ALPK1: variants seen among roughly 807,000 people sequenced by gnomAD.
The protein encoded by ALPK1 is alpha-protein kinase 1.
Under a neutral mutation model 120.6 loss-of-function variants are expected in ALPK1, and 110 were observed. That is an observed-to-expected ratio of 0.91 (90% CI 0.78 to 1.07). The LOEUF (loss-of-function observed/expected upper bound fraction) is 1.07, where lower values mean the gene tolerates loss of function less well. Among genes scored for constraint, ALPK1 ranks in the 50% least tolerant of loss-of-function variants. The probability of loss-of-function intolerance (pLI) is 0.00; values close to 1 mark genes in which losing one functional copy is unlikely to be tolerated. For missense variants in ALPK1, 1,498 were observed against 1,483.9 expected, an observed-to-expected ratio of 1.01 and a Z score of -0.16; for synonymous variants, 582 against 560.3, an observed-to-expected ratio of 1.04 and a Z score of -0.55.
At position 112,425,611 on chromosome 4, in the gene ALPK1, A is replaced by T. The variant is rs1734202288; in HGVS notation, c.536-54A>T. The T allele has an allele frequency of 3.2e-5, 47 of 1,468,388 alleles. 1 individual carries two copies. In the South Asian group the frequency reaches 5.2e-4, roughly 16 times the overall value. 91.0% of individuals were successfully genotyped at this position (1,468,388 alleles called of 1,614,324 possible). A position where few individuals can be genotyped will look rare whatever the true frequency, so the allele number is the denominator to read the frequency against. On this transcript the variant is annotated intron_variant, in intron 6 of 15. Coordinates refer to ENST00000650871, the MANE Select transcript of ALPK1 (RefSeq NM_025144.4). ...GAAGACTTCTGTGAAAATAGTTTTA[A>T]TTTGCAAGGCTATATCTCTGATAAT...
chr4:112,432,055 T>G lies in ALPK1; in HGVS notation c.2508T>G (p.Gly836=), dbSNP rs1261506342. Residue 836 remains glycine (G), a synonymous_variant, in exon 11 of 16, where the codon GGT becomes GGG. Transcript: ENST00000650871. ...AAAATCCTGACTCCAGAAAAAGTGG[T>G]GGCCCAGTCGCAGAGCAGGGCATCG... The part of the protein sequence containing the change: ...PVQNPDSRKS[G]GPVAEQGIDP... 1.9e-6 allele frequency: 3 copies of G among 1,613,976 alleles called. No individual in the cohort carries two copies. In the South Asian group the frequency reaches 3.3e-5, roughly 18 times the overall value.
chr4:112,398,393 AG>A (rs1732761498), intron 4 of ALPK1, among the ~76,000 whole-genome samples: 1 of 152,088 alleles, frequency 6.6e-6, no homozygotes, highest in South Asian at 2.1e-4. Context: ...CCTCTGTTCA[AG>A]TGATCCTCCC....
intron 4 of ALPK1, among the ~76,000 whole-genome samples, chr4:112,407,860 C>A (rs28504675): frequency 0.16 from 24,759 of 152,092 alleles, 2,149 homozygotes; most frequent in Middle Eastern, 0.18. Context: ...TGTAATCCAG[C>A]ACTTTGGGAG....
chr4:112,302,641 C>T (rs1727839101), intron 1 of ALPK1, among the ~76,000 whole-genome samples: 1 of 152,190 alleles, frequency 6.6e-6, no homozygotes, highest in Admixed American at 6.5e-5. Flanking sequence ...TGGAGTCTGT[C>T]CCCTTCCTTT....
In ALPK1 at chr4:112,411,816, T is replaced by C. The variant is rs1358653296; in HGVS notation, c.277-11T>C. ...CCGCCTGGCTCACGATGTTCCACGC[T>C]GTTCCTCCAGGCGTCCCTGAGGGCC... On this transcript the variant is annotated splice_polypyrimidine_tract_variant and intron_variant, in intron 4 of 15. Coordinates refer to ENST00000650871, the MANE Select transcript of ALPK1 (RefSeq NM_025144.4). 1.2e-6 allele frequency: 2 copies of C among 1,605,066 alleles called. No homozygotes were observed. Among genetic ancestry groups the C allele is most frequent in the Non-Finnish European group, 1.7e-6 (2 of 1,175,990 alleles).
chr4:112,364,578 A>T (rs1297773163), intron 2 of ALPK1, among the ~76,000 whole-genome samples: 1 of 152,086 alleles, frequency 6.6e-6, no homozygotes, highest in Non-Finnish European at 1.5e-5. Context: ...TACCCCAAAA[A>T]ATAAAAGTCC....
intron 1 of ALPK1, among the ~76,000 whole-genome samples, chr4:112,308,324 A>G (rs1329448610): frequency 1.3e-5 from 2 of 152,018 alleles, no homozygotes; most frequent in Admixed American, 6.6e-5. Flanking sequence ...GTTGTCCTGG[A>G]TAATATCCTG....
At chr4:112,421,200 CTCTTT>C (rs1733977805) in intron 5 of ALPK1, among the ~76,000 whole-genome samples, 1 of 152,126 alleles carries the variant, frequency 6.6e-6, no homozygotes, top group African/African-American at 2.4e-5. Flanking sequence ...TCCCAGATGT[CTCTTT>C]TCATTTTGAA....
Position 112,432,188 on chromosome 4 carries a change from C to T in ALPK1, c.2641C>T (p.Pro881Ser), listed in dbSNP as rs1204795511. ...SHRLCILRQP[P>S]GQRAETPNSS... ...TAGACTGTGCATTCTGAGACAGCCG[C>T]CTGGTCAGAGGGCGGAGACCCCCAA... Residue 881 changes from proline to serine, a missense_variant, in exon 11 of 16, where the codon CCT becomes TCT. Physicochemically the swap from Pro to Ser is moderately conservative, Grantham distance 74. Transcript: ENST00000650871. 1.1e-5 allele frequency: 17 copies of T among 1,614,204 alleles called. No homozygotes were observed. The highest frequency in any genetic ancestry group is 1.4e-5 in the Non-Finnish European group (16 of 1,180,026).
At chr4:112,340,093 G>T (rs1376968750) in intron 2 of ALPK1, among the ~76,000 whole-genome samples, 2 of 152,204 alleles carry the variant, frequency 1.3e-5, no homozygotes, top group Non-Finnish European at 2.9e-5. Context: ...ATGAGTCTGG[G>T]TATGGACAGA....
chr4:112,306,320 A>T (rs1359245600), intron 1 of ALPK1, among the ~76,000 whole-genome samples: 3 of 152,054 alleles, frequency 2.0e-5, no homozygotes, highest in African/African-American at 7.3e-5. Context: ...TTTCAGAAGG[A>T]ATGGTACCAG....
At chr4:112,357,905 G>A (rs183817893) in intron 2 of ALPK1, 1 of 1,133,824 alleles carries the variant, frequency 8.8e-7, no homozygotes, top group Non-Finnish European at 1.3e-6. Context: ...AGGAGCAAAG[G>A]CAGCTTCTCT....
At chr4:112,412,967 G>T (rs955923830) in intron 5 of ALPK1, among the ~76,000 whole-genome samples, 1 of 152,188 alleles carries the variant, frequency 6.6e-6, no homozygotes, top group Non-Finnish European at 1.5e-5. Flanking sequence ...GGCTAGTGGA[G>T]GTTACCTTTT....
At chr4:112,302,736 G>GCAAACAAACAAACAAA (rs74913108) in intron 1 of ALPK1, among the ~76,000 whole-genome samples, 1 of 150,766 alleles carries the variant, frequency 6.6e-6, no homozygotes, top group East Asian at 2.0e-4. Context: ...AAAAAAGCAA[G>GCAAACAAACAAACAAA]CAAACAAACA....
chr4:112,411,264 G>T (rs986428649), intron 4 of ALPK1, among the ~76,000 whole-genome samples: 3 of 152,136 alleles, frequency 2.0e-5, no homozygotes, highest in Admixed American at 6.5e-5. Context: ...TCGCTCTGTC[G>T]CCCAGGCTGG....
intron 1 of ALPK1, among the ~76,000 whole-genome samples, chr4:112,314,263 G>A (rs1398204677): frequency 2.0e-5 from 3 of 152,196 alleles, no homozygotes. Context: ...AGAAGAGACA[G>A]CGTGAAATAG....
At chr4:112,408,959 A>C (rs1476229777) in intron 4 of ALPK1, among the ~76,000 whole-genome samples, 1 of 152,214 alleles carries the variant, frequency 6.6e-6, no homozygotes, top group East Asian at 1.9e-4. Flanking sequence ...GGCATACTAA[A>C]TGAGACATGT....
chr4:112,357,030 C>G (rs753095423), intron 2 of ALPK1: 8 of 812,856 alleles, frequency 9.8e-6, no homozygotes, highest in Admixed American at 1.8e-5. Flanking sequence ...GAGTTCAGCG[C>G]GGACCCCACC....
intron 2 of ALPK1, chr4:112,356,783 G>A (rs1038923600): frequency 1.9e-5 from 14 of 742,652 alleles, no homozygotes; most frequent in Admixed American, 8.7e-5. Flanking sequence ...GAAGCAGCAA[G>A]CCGACATCGT....
Sources: gnomAD v4.1 joint callset for allele counts (sites outside exome capture counted in the v4.1 genomes callset) on GRCh38, gnomAD v4.1.1 for gene constraint, MANE v1.5 for transcripts, NCBI Gene and HGNC (gene_info 2026-07-23, HGNC 2026-07-21) for gene names.